Variants in CAMK1D observed in about 807,000 individuals in gnomAD.
CAMK1D encodes calcium/calmodulin dependent protein kinase ID.
A neutral mutation model predicts 47.7 loss-of-function variants in CAMK1D; 9 were observed. The ratio of observed to expected loss-of-function variants is 0.19; its 90% CI spans 0.11 to 0.33. The LOEUF (loss-of-function observed/expected upper bound fraction) is 0.33, where lower values mean the gene tolerates loss of function less well. Among genes scored for constraint, CAMK1D ranks in the 10% least tolerant of loss-of-function variants. The pLI is 1.00. For missense variants in CAMK1D, 291 were observed against 488.7 expected (o/e 0.60, Z 3.81); for synonymous variants, 184 against 184.9 (o/e 0.99, Z 0.04).
chr10:12,641,546 G>A (rs78593488), intron 2 of CAMK1D, among the ~76,000 whole-genome samples: 42,089 of 151,360 alleles, frequency 0.28, 6,136 homozygotes, highest in African/African-American at 0.29. Flanking sequence ...TGAGCCTGGG[G>A]AGGTCGAGGC....
chr10:12,350,153 C>T (rs1484473555), intron 1 of CAMK1D, among the ~76,000 whole-genome samples: 3 of 152,066 alleles, frequency 2.0e-5, no homozygotes, highest in African/African-American at 2.4e-5. Flanking sequence ...GAGCAGCCCA[C>T]GCGGGCGCGC....
intron 1 of CAMK1D, among the ~76,000 whole-genome samples, chr10:12,375,571 T>G (rs1470725162): frequency 6.6e-6 from 1 of 152,168 alleles, no homozygotes; most frequent in African/African-American, 2.4e-5. Flanking sequence ...GTGCTGCTGG[T>G]ACTCCAAAAA....
At chr10:12,735,566 C>T (rs912766845) in intron 3 of CAMK1D, among the ~76,000 whole-genome samples, 2 of 152,180 alleles carry the variant, frequency 1.3e-5, no homozygotes, top group Admixed American at 6.5e-5. Flanking sequence ...CACTGCCCTT[C>T]GATGCCGTGT....
chr10:12,616,816 C>T (rs1037683629), intron 2 of CAMK1D, among the ~76,000 whole-genome samples: 1 of 152,060 alleles, frequency 6.6e-6, no homozygotes, highest in Admixed American at 6.6e-5. Flanking sequence ...CGCGCCTGGC[C>T]GAGGTCAAGT....
At chr10:12,798,907 C>G (rs1331788863) in intron 6 of CAMK1D, among the ~76,000 whole-genome samples, 3 of 152,144 alleles carry the variant, frequency 2.0e-5, no homozygotes, top group Non-Finnish European at 4.4e-5. Flanking sequence ...AGGTGCACAG[C>G]AGCAGCACTC....
chr10:12,388,419 A>C (rs1032919310), intron 1 of CAMK1D, among the ~76,000 whole-genome samples: 1 of 152,196 alleles, frequency 6.6e-6, no homozygotes, highest in Non-Finnish European at 1.5e-5. Flanking sequence ...TCCAGCTTCT[A>C]GATTCTCTGT....
At chr10:12,754,527 C>G (rs1431828566) in intron 3 of CAMK1D, among the ~76,000 whole-genome samples, 1 of 152,214 alleles carries the variant, frequency 6.6e-6, no homozygotes, top group Admixed American at 6.5e-5. Context: ...TATTCAAAGA[C>G]ACATTGCCTG....
At chr10:12,454,079 C>T (rs1833168294) in intron 1 of CAMK1D, among the ~76,000 whole-genome samples, 1 of 152,198 alleles carries the variant, frequency 6.6e-6, no homozygotes, top group South Asian at 2.1e-4. Context: ...TTGCTTCTAG[C>T]TCCTGTCTTC....
chr10:12,678,533 T>C (rs1297124248), intron 3 of CAMK1D, among the ~76,000 whole-genome samples: 7 of 152,206 alleles, frequency 4.6e-5, no homozygotes, highest in Non-Finnish European at 1.0e-4. Context: ...GGTCTTCTGC[T>C]TCCTCACTGG....
intron 2 of CAMK1D, among the ~76,000 whole-genome samples, chr10:12,587,407 G>C (rs2132352103): frequency 6.6e-6 from 1 of 152,198 alleles, no homozygotes; most frequent in South Asian, 2.1e-4. Context: ...CATTTGTTCT[G>C]GGTTAGGTGA....
intron 1 of CAMK1D, among the ~76,000 whole-genome samples, chr10:12,452,262 G>C (rs1277155681): frequency 6.6e-6 from 1 of 152,026 alleles, no homozygotes; most frequent in African/African-American, 2.4e-5. Flanking sequence ...ATTGTAAACT[G>C]AATTTACAAT....
At chr10:12,572,857 T>A (rs1364381916) in intron 2 of CAMK1D, among the ~76,000 whole-genome samples, 1 of 152,152 alleles carries the variant, frequency 6.6e-6, no homozygotes, top group Non-Finnish European at 1.5e-5. Flanking sequence ...GGTCTTGAAC[T>A]CTTGGGCTCA....
intron 2 of CAMK1D, among the ~76,000 whole-genome samples, chr10:12,604,519 TC>T (rs1838394406): frequency 6.6e-6 from 1 of 152,196 alleles, no homozygotes; most frequent in Non-Finnish European, 1.5e-5. Flanking sequence ...TGGAGAACTT[TC>T]CAGAAGTACT....
In CAMK1D at chr10:12,824,594, T is replaced by C. The variant is rs201511697; in HGVS notation, c.921+42T>C. 1.6e-4 allele frequency: 242 copies of C among 1,468,384 alleles called. 2 individuals are homozygous for C. The African/African-American group carries it at 3.1e-3, about 19-fold the overall frequency. 91.0% of individuals were successfully genotyped at this position (1,468,384 alleles called of 1,614,324 possible). A position where few individuals can be genotyped will look rare whatever the true frequency, so the allele number is the denominator to read the frequency against. The stretch of plus-strand genomic sequence containing the variant: ...TGAAATTCCCCGTGGATTAACCCCC[T>C]CGTGACACTGGCCCTCCAATCTGAG... On this transcript the variant is annotated intron_variant, in intron 9 of 10. Transcript: ENST00000619168.
At position 12,801,334 on chromosome 10, in the gene CAMK1D, TATC is replaced by T. The variant is rs1253834704; in HGVS notation, c.641+10102_641+10104del. On this transcript the variant is annotated intron_variant, in intron 6 of 10. Coordinates refer to ENST00000619168, the MANE Select transcript of CAMK1D (RefSeq NM_153498.4). ...CTATCTATCTATCTATCTATCTATC[TATC>T]TATCTATCTATCTATCTTATCTATC... 1.7e-4 allele frequency among the ~76,000 whole-genome samples: 20 copies of T among 115,292 alleles called. No individual in the cohort carries two copies. In the Middle Eastern group the frequency reaches 0.012, roughly 70 times the overall value. 75.6% of individuals were successfully genotyped at this position (115,292 alleles called of 152,430 possible). A position where few individuals can be genotyped will look rare whatever the true frequency, so the allele number is the denominator to read the frequency against.
At chr10:12,459,966 G>A (rs1833374417) in intron 1 of CAMK1D, among the ~76,000 whole-genome samples, 1 of 152,182 alleles carries the variant, frequency 6.6e-6, no homozygotes, top group East Asian at 1.9e-4. Flanking sequence ...AGATTTGCGA[G>A]TCTGGGCTTT....
At chr10:12,524,504 G>A (rs1360790742) in intron 1 of CAMK1D, among the ~76,000 whole-genome samples, 4 of 151,810 alleles carry the variant, frequency 2.6e-5, no homozygotes, top group South Asian at 2.1e-4. Context: ...TCAGGAGACC[G>A]AGACCATCCT....
chr10:12,527,707 A>G (rs2132212223), intron 1 of CAMK1D, among the ~76,000 whole-genome samples: 1 of 152,266 alleles, frequency 6.6e-6, no homozygotes, highest in East Asian at 1.9e-4. Flanking sequence ...GTCAAGAGAT[A>G]AAGGAGGAAA....
intron 2 of CAMK1D, among the ~76,000 whole-genome samples, chr10:12,641,080 C>T (rs922516112): frequency 2.0e-5 from 3 of 152,078 alleles, no homozygotes; most frequent in Non-Finnish European, 2.9e-5. Context: ...AGCAATTCTC[C>T]TGCCTCAGCC....
Sources: gnomAD v4.1 joint callset for allele counts (sites outside exome capture counted in the v4.1 genomes callset) on GRCh38, gnomAD v4.1.1 for gene constraint, MANE v1.5 for transcripts, NCBI Gene and HGNC (gene_info 2026-07-23, HGNC 2026-07-21) for gene names.